DRC11: variants seen among roughly 807,000 people sequenced by gnomAD.
DRC11 encodes the protein dynein regulatory complex subunit 11.
At chr2:236,433,007 C>A in the DRC11 span, among the ~76,000 whole-genome samples, 15 of 152,110 alleles carry the variant, frequency 9.9e-5, no homozygotes, top group African/African-American at 3.6e-4. Context: ...TCTTCTTATA[C>A]CATTTATTTC....
At chr2:236,366,372 G>A in the DRC11 span, among the ~76,000 whole-genome samples, 1 of 152,180 alleles carries the variant, frequency 6.6e-6, no homozygotes, top group Non-Finnish European at 1.5e-5. Flanking sequence ...CTAAACAACT[G>A]GAGCCCCCAG....
the DRC11 span, among the ~76,000 whole-genome samples, chr2:236,499,001 A>C: frequency 1.1e-4 from 16 of 152,202 alleles, no homozygotes; most frequent in Non-Finnish European, 2.1e-4. The surrounding 1 kb of genome is among the most constrained non-coding windows in gnomAD (Gnocchi z 4.7). Context: ...GAAAAATGTC[A>C]GTATCTCTCT....
chr2:236,368,954 G>A, the DRC11 span: 1 of 152,192 alleles, frequency 6.6e-6, no homozygotes, highest in Admixed American at 6.5e-5. Flanking sequence ...TCATAAATCT[G>A]AAGTGTTATT....
chr2:236,459,654 TATATACATAC>T, the DRC11 span, among the ~76,000 whole-genome samples: 11 of 135,828 alleles, frequency 8.1e-5, no homozygotes, highest in Admixed American at 1.5e-4. Flanking sequence ...CGTATATATG[TATATACATAC>T]GTATATACGT....
chr2:236,414,745 A>C, the DRC11 span, among the ~76,000 whole-genome samples: 3 of 152,348 alleles, frequency 2.0e-5, no homozygotes, highest in Admixed American at 2.0e-4. Flanking sequence ...GGATCCAAAT[A>C]AGGAACTGCG....
the DRC11 span, among the ~76,000 whole-genome samples, chr2:236,504,203 G>C: frequency 3.3e-5 from 5 of 149,914 alleles, no homozygotes; most frequent in Non-Finnish European, 1.5e-5. The surrounding 1 kb of genome is among the most constrained non-coding windows in gnomAD (Gnocchi z 5.0). Context: ...CGGCGGTGGG[G>C]GGGGGCGTTC....
the DRC11 span, among the ~76,000 whole-genome samples, chr2:236,320,593 T>C: frequency 6.6e-6 from 1 of 152,112 alleles, no homozygotes; most frequent in East Asian, 1.9e-4. Context: ...CTGACATTGG[T>C]TTTGGGCCTG....
chr2:236,405,579 C>T, the DRC11 span, among the ~76,000 whole-genome samples: 3 of 151,990 alleles, frequency 2.0e-5, no homozygotes, highest in African/African-American at 7.3e-5. The surrounding 1 kb of genome is among the most constrained non-coding windows in gnomAD (Gnocchi z 4.6). Flanking sequence ...TTCTCATCGG[C>T]CTCTCACTTT....
the DRC11 span, among the ~76,000 whole-genome samples, chr2:236,361,568 T>G: frequency 6.6e-6 from 1 of 152,166 alleles, no homozygotes; most frequent in Non-Finnish European, 1.5e-5. The surrounding 1 kb of genome is among the most constrained non-coding windows in gnomAD (Gnocchi z 5.7). Context: ...TGTCACAAGA[T>G]TCTCATATTT....
At chr2:236,370,831 G>C in the DRC11 span, among the ~76,000 whole-genome samples, 1 of 151,400 alleles carries the variant, frequency 6.6e-6, no homozygotes, top group Non-Finnish European at 1.5e-5. This position sits in a 1 kb window ranked among gnomAD's most constrained non-coding sequence, Gnocchi z 5.5. Flanking sequence ...GGTGGGAGCC[G>C]AGGGCTGGGC....
the DRC11 span, among the ~76,000 whole-genome samples, chr2:236,359,018 G>A: frequency 6.6e-5 from 10 of 151,728 alleles, no homozygotes; most frequent in South Asian, 2.1e-4. This position sits in a 1 kb window ranked among gnomAD's most constrained non-coding sequence, Gnocchi z 4.3. Context: ...TCCTGTATCC[G>A]CCTTGCCAGT....
the DRC11 span, among the ~76,000 whole-genome samples, chr2:236,360,275 G>A: frequency 1.6e-4 from 24 of 152,270 alleles, no homozygotes; most frequent in East Asian, 4.6e-3. The surrounding 1 kb of genome is among the most constrained non-coding windows in gnomAD (Gnocchi z 5.8). Flanking sequence ...CTGCAACCAG[G>A]AAAATTACTA....
the DRC11 span, among the ~76,000 whole-genome samples, chr2:236,318,577 T>TTGTGTG: frequency 2.5e-4 from 38 of 151,674 alleles, no homozygotes; most frequent in African/African-American, 8.7e-4. This position sits in a 1 kb window ranked among gnomAD's most constrained non-coding sequence, Gnocchi z 7.0. Flanking sequence ...ATGTGTGTGT[T>TTGTGTG]TGTGTGTACA....
At chr2:236,320,019 G>T in the DRC11 span, among the ~76,000 whole-genome samples, 5 of 152,188 alleles carry the variant, frequency 3.3e-5, no homozygotes, top group Admixed American at 6.5e-5. Flanking sequence ...CCCTAGCACT[G>T]TGCACGGCAC....
the DRC11 span, among the ~76,000 whole-genome samples, chr2:236,434,468 G>A: frequency 6.6e-6 from 1 of 152,174 alleles, no homozygotes; most frequent in Non-Finnish European, 1.5e-5. This position sits in a 1 kb window ranked among gnomAD's most constrained non-coding sequence, Gnocchi z 5.5. Context: ...TACCTCACGT[G>A]TATTGTCTCA....
chr2:236,382,244 T>C, the DRC11 span, among the ~76,000 whole-genome samples: 1 of 152,198 alleles, frequency 6.6e-6, no homozygotes, highest in Non-Finnish European at 1.5e-5. Flanking sequence ...TCATCAAAAG[T>C]CAGGTAGGCA....
chr2:236,411,624 T>C, the DRC11 span, among the ~76,000 whole-genome samples: 3 of 150,198 alleles, frequency 2.0e-5, no homozygotes, highest in Middle Eastern at 0.01. Flanking sequence ...TTATTCACAA[T>C]AGCAAAGACT....
chr2:236,342,705 G>A, the DRC11 span, among the ~76,000 whole-genome samples: 2 of 152,234 alleles, frequency 1.3e-5, no homozygotes, highest in Admixed American at 6.5e-5. The surrounding 1 kb of genome is among the most constrained non-coding windows in gnomAD (Gnocchi z 5.8). Context: ...CAGCATTGGA[G>A]CTGGGGGTGG....
chr2:236,408,068 C>T, the DRC11 span: 3 of 594,974 alleles, frequency 5.0e-6, 1 homozygote, highest in South Asian at 4.2e-5. This position sits in a 1 kb window ranked among gnomAD's most constrained non-coding sequence, Gnocchi z 5.5. Flanking sequence ...ACCACACATT[C>T]CTTCAGCATG....
Sources: allele counts gnomAD v4.1 joint callset (sites outside exome capture counted in the v4.1 genomes callset), GRCh38; gene constraint gnomAD v4.1.1; non-coding constraint Gnocchi (gnomAD v3.1); transcripts MANE v1.5; gene names NCBI Gene and HGNC (gene_info 2026-07-23, HGNC 2026-07-21).